Variants in DBT observed in about 807,000 individuals in gnomAD.
DBT encodes lipoamide acyltransferase component of branched-chain alpha-keto acid dehydrogenase complex, mitochondrial.
Under a neutral mutation model 51.3 loss-of-function variants are expected in DBT, and 40 were observed. That is an observed-to-expected ratio of 0.78 (90% CI 0.61 to 1.02). The LOEUF (loss-of-function observed/expected upper bound fraction) is 1.02, where lower values mean the gene tolerates loss of function less well. DBT is among the 50% of genes least tolerant of loss of function. DBT has a pLI of 0.00. For synonymous variants in DBT, 181 were observed against 190.4 expected (o/e 0.95, Z 0.41); for missense variants, 510 against 580.2 (o/e 0.88, Z 1.24).
At chr1:100,204,266 A>G (rs2100775733) in intron 10 of DBT, among the ~76,000 whole-genome samples, 1 of 152,332 alleles carries the variant, frequency 6.6e-6, no homozygotes, top group South Asian at 2.1e-4. Context: ...CTCAGGATAC[A>G]AAATCAATGT....
intron 3 of DBT, among the ~76,000 whole-genome samples, chr1:100,234,561 T>C (rs1265202066): frequency 6.6e-6 from 1 of 152,176 alleles, no homozygotes; most frequent in East Asian, 1.9e-4. Flanking sequence ...GCATTTCTTA[T>C]ACATGACATT....
chr1:100,235,290 C>T (rs926592948), intron 3 of DBT, 146 bp downstream of exon 3: 8 of 553,942 alleles, frequency 1.4e-5, no homozygotes, highest in Non-Finnish European at 2.6e-5. Flanking sequence ...TACCTTATTG[C>T]TTTTAAAAAT....
At chr1:100,244,591 C>G (rs1189388197) in intron 1 of DBT, among the ~76,000 whole-genome samples, 1 of 152,042 alleles carries the variant, frequency 6.6e-6, no homozygotes, top group East Asian at 1.9e-4. Flanking sequence ...TTCAAGATCC[C>G]CCGGTGGGTG....
chr1:100,209,490 C>T (rs375689847), intron 8 of DBT, among the ~76,000 whole-genome samples: 1 of 152,092 alleles, frequency 6.6e-6, no homozygotes, highest in Non-Finnish European at 1.5e-5. Flanking sequence ...ACTGTATTAA[C>T]CGTATGGGAG....
intron 4 of DBT, among the ~76,000 whole-genome samples, chr1:100,221,046 G>A (rs1662827776): frequency 6.6e-6 from 1 of 152,168 alleles, no homozygotes; most frequent in Non-Finnish European, 1.5e-5. Flanking sequence ...ATTTGCTGAA[G>A]AGAATGTATA....
Position 100,216,189 on chromosome 1 carries a change from C to G in DBT, c.566G>C (p.Ser189Thr). The change falls in exon 6 of 11, where the codon AGT (serine) becomes ACT (threonine). Residue 189 changes from serine to threonine, a missense_variant. Transcript: ENST00000370132. ...RLAMENNIKL[S>T]EVVGSGKDGR... ...ATCTTTTCCTGAGCCAACAACTTCACTCAGCTTAATCTAAAAAATGATATA... is the reference window on the plus strand; with the variant it reads ...ATCTTTTCCTGAGCCAACAACTTCAGTCAGCTTAATCTAAAAAATGATATA... The G allele has an allele frequency of 1.2e-6, 2 of 1,610,782 alleles. No homozygotes were observed. Among genetic ancestry groups the G allele is most frequent in the Non-Finnish European group, 1.7e-6 (2 of 1,177,194 alleles).
rs1353081385 is a variant in DBT at position 100,188,396 on chromosome 1, A to G, written c.*7859T>C. ...CTGACTGCACTCTTAGAACTTCTCT[A>G]CAGACTTTATGATCTTTTTGGACTT... On this transcript the variant is annotated 3_prime_UTR_variant, in exon 11 of 11. Transcript: ENST00000370132. 1 of 152,206 alleles carries G rather than the reference A, an allele frequency of 6.6e-6. No homozygotes were observed. The highest frequency in any genetic ancestry group is 1.9e-4 in the East Asian group (1 of 5,206). 9.4% of individuals were successfully genotyped at this position (152,206 alleles called of 1,614,324 possible).
At chr1:100,230,642 C>CAA in intron 4 of DBT, 91 bp downstream of exon 4, 7 of 591,528 alleles carry the variant, frequency 1.2e-5, no homozygotes, top group East Asian at 3.4e-5. Flanking sequence ...AAAAAAAAAA[C>CAA]AAAAAAACAA....
At chr1:100,223,050 G>A (rs549705160) in intron 4 of DBT, among the ~76,000 whole-genome samples, 3 of 152,138 alleles carry the variant, frequency 2.0e-5, no homozygotes, top group South Asian at 4.2e-4. Context: ...CAATCTAAAC[G>A]GGCTGAAAAA....
chr1:100,192,731 C>T lies in DBT; in HGVS notation c.*3524G>A, dbSNP rs530051114. 1.3e-5 allele frequency: 2 copies of T among 152,272 alleles called. No individual in the cohort carries two copies. The highest frequency in any genetic ancestry group is 1.3e-4 in the Admixed American group (2 of 15,302). 9.4% of individuals were successfully genotyped at this position (152,272 alleles called of 1,614,324 possible). ...ATAAATTCATACCAATTTTAGCTTC[C>T]ATCCTCAGACTTCCTTTCCTGTTGT... On this transcript the variant is annotated 3_prime_UTR_variant, in exon 11 of 11. Transcript: ENST00000370132.
At chr1:100,228,145 C>T (rs1333455639) in intron 4 of DBT, among the ~76,000 whole-genome samples, 1 of 152,144 alleles carries the variant, frequency 6.6e-6, no homozygotes, top group African/African-American at 2.4e-5. Flanking sequence ...CCACTGAGCC[C>T]AGCCTGAATT....
intron 1 of DBT, among the ~76,000 whole-genome samples, chr1:100,241,222 C>CT (rs1158611637): frequency 6.6e-6 from 1 of 152,098 alleles, no homozygotes; most frequent in African/African-American, 2.4e-5. Context: ...CCAAAGTTTA[C>CT]TTATAGTAAC....
rs746306729 is a variant in DBT, at chr1:100,187,029, G to A, written c.*9226C>T. 2 of 152,298 alleles carry A rather than the reference G, an allele frequency of 1.3e-5. No individual in the cohort carries two copies. Among genetic ancestry groups the A allele is most frequent in the Middle Eastern group, 3.4e-3 (1 of 294 alleles). The allele number at this position is 152,298 out of a possible 1,614,324, so 9.4% of individuals were successfully genotyped here. ...CCATTTGAGAAAAAGCATGCCATGA[G>A]TCTAAATAACCAATTTCATTTAGCA... is the stretch of plus-strand genomic sequence containing the variant. On this transcript the variant is annotated 3_prime_UTR_variant, in exon 11 of 11. Transcript: ENST00000370132.
Position 100,196,284 on chromosome 1 carries a change from G to A in DBT, c.1420C>T (p.Pro474Ser). The change falls in exon 11 of 11, where the codon CCA (proline) becomes TCA (serine). Residue 474 changes from proline to serine, a missense_variant. Physicochemically the swap from Pro to Ser is moderately conservative, Grantham distance 74. Coordinates refer to ENST00000370132, the MANE Select transcript of DBT (RefSeq NM_001918.5). The part of the protein sequence containing the change: ...SNLWKSYLEN[P>S]AFMLLDLK ...TTCAGATCTAGTAGCATAAAAGCTG[G>A]GTTTTCTAAATAGGATTTCCACAAA... 1 of 1,613,640 alleles carries A rather than the reference G, an allele frequency of 6.2e-7. No individual in the cohort carries two copies. The highest frequency in any genetic ancestry group is 2.2e-5 in the East Asian group (1 of 44,852).
In DBT at chr1:100,191,569, C is replaced by T. The variant is rs1660802167; in HGVS notation, c.*4686G>A. The T allele has an allele frequency of 6.6e-6, 1 of 152,130 alleles. No homozygotes were observed. 9.4% of individuals were successfully genotyped at this position (152,130 alleles called of 1,614,324 possible). ...TTTAATCTGCCCATAAAAAAATTCT[C>T]CCAGATTCCCATTCTCGATCCATGT... On this transcript the variant is annotated 3_prime_UTR_variant, in exon 11 of 11. Coordinates refer to ENST00000370132, the MANE Select transcript of DBT (RefSeq NM_001918.5).
intron 8 of DBT, among the ~76,000 whole-genome samples, chr1:100,210,337 G>GT (rs1557946045): frequency 6.8e-6 from 1 of 146,860 alleles, no homozygotes; most frequent in Non-Finnish European, 1.5e-5. Context: ...AGAAGAAGAA[G>GT]AAGAAGAAGA....
chr1:100,209,088 C>A (rs978089581), intron 8 of DBT, among the ~76,000 whole-genome samples: 3 of 103,364 alleles, frequency 2.9e-5, no homozygotes, highest in Non-Finnish European at 5.7e-5. Context: ...TTTTTCTTTT[C>A]TTTTCTTTTC....
intron 3 of DBT, among the ~76,000 whole-genome samples, chr1:100,233,075 C>T (rs569504275): frequency 2.8e-4 from 42 of 151,976 alleles, no homozygotes; most frequent in African/African-American, 9.4e-4. Flanking sequence ...TTCAACAACA[C>T]AAATGGTAAA....
At chr1:100,220,826 C>A (rs1037584467) in intron 4 of DBT, among the ~76,000 whole-genome samples, 1 of 152,154 alleles carries the variant, frequency 6.6e-6, no homozygotes, top group Admixed American at 6.6e-5. Context: ...TCCTTCTGGT[C>A]AAAGTAGCTA....
Sources: gnomAD v4.1 joint callset for allele counts (sites outside exome capture counted in the v4.1 genomes callset) on GRCh38, gnomAD v4.1.1 for gene constraint, MANE v1.5 for transcripts, NCBI Gene and HGNC (gene_info 2026-07-23, HGNC 2026-07-21) for gene names.